The following ABCG1 variants were observed in gnomAD, a reference collection of about 807,000 sequenced individuals.
ABCG1 encodes the protein ATP binding cassette subfamily G member 1.
Under a neutral mutation model 69.2 loss-of-function variants are expected in ABCG1, and 29 were observed. That is an observed-to-expected ratio of 0.42 (90% CI 0.31 to 0.57). The LOEUF (loss-of-function observed/expected upper bound fraction) is 0.57. ABCG1 is among the 20% of genes least tolerant of loss of function. The pLI is 0.15. For missense variants in ABCG1, 718 were observed against 898.1 expected, an observed-to-expected ratio of 0.80 and a Z score of 2.56; for synonymous variants, 370 against 374.8, an observed-to-expected ratio of 0.99 and a Z score of 0.15.
At chr21:42,204,868 T>G (rs1219001377) in intron 2 of ABCG1, among the ~76,000 whole-genome samples, 1 of 152,206 alleles carries the variant, frequency 6.6e-6, no homozygotes, top group Non-Finnish European at 1.5e-5. Context: ...TACCTGGGTA[T>G]GCTAACTAAA....
intron 2 of ABCG1, among the ~76,000 whole-genome samples, chr21:42,241,271 G>A (rs150617907): frequency 0.01 from 1,597 of 152,262 alleles, 13 homozygotes; most frequent in Non-Finnish European, 0.018. Context: ...CACAACATCC[G>A]TGAGCTCATC....
intron 2 of ABCG1, among the ~76,000 whole-genome samples, chr21:42,261,196 C>G (rs538313731): frequency 3.0e-4 from 45 of 151,820 alleles, no homozygotes; most frequent in Non-Finnish European, 5.6e-4. Flanking sequence ...CCTCCTTCCC[C>G]CTCTCCACCA....
intron 1 of ABCG1, among the ~76,000 whole-genome samples, chr21:42,220,728 CTGGTTGAATCTT>C: frequency 6.6e-6 from 1 of 152,354 alleles, no homozygotes. Flanking sequence ...TTGCTTTTCT[CTGGTTGAATCTT>C]TGGGCAACAC....
chr21:42,200,785 C>T (rs1366895526), intron 1 of ABCG1, among the ~76,000 whole-genome samples: 2 of 151,990 alleles, frequency 1.3e-5, no homozygotes, highest in South Asian at 2.1e-4. Context: ...GATGGGGCTT[C>T]ACCATGTTGG....
chr21:42,244,172 A>G lies in ABCG1; in HGVS notation c.286+18258A>G, dbSNP rs576747977. Among the ~76,000 whole-genome samples the G allele has an allele frequency of 5.9e-5, 9 of 152,306 alleles. No homozygotes were observed. The East Asian group carries it at 1.5e-3, about 26-fold the overall frequency. On this transcript the variant is annotated intron_variant, in intron 2 of 14. Transcript: ENST00000398449. ...ATTGCTCTTTTCTTGCTAAAACATC[A>G]CTGTAAGTGATAAAATTATTTGCAG...
rs2068644063 is a variant in ABCG1, at chr21:42,273,064, G to A, written c.405-239G>A. ...TAGTATAAACACACCATCCCACGGA[G>A]GCCTGTGTGCAGCTTCCTCTTCCCA... On this transcript the variant is annotated intron_variant, in intron 3 of 14. Coordinates refer to ENST00000398449, the MANE Select transcript of ABCG1 (RefSeq NM_016818.3). This position sits in a 1 kb window ranked among gnomAD's most constrained non-coding sequence, Gnocchi z 5.3. Among the ~76,000 whole-genome samples the A allele has an allele frequency of 6.6e-6, 1 of 152,216 alleles. No individual in the cohort carries two copies. The highest frequency in any genetic ancestry group is 2.4e-5 in the African/African-American group (1 of 41,444).
chr21:42,233,585 G>A (rs541734429), intron 2 of ABCG1, among the ~76,000 whole-genome samples: 2 of 152,344 alleles, frequency 1.3e-5, no homozygotes, highest in Admixed American at 1.3e-4. Context: ...GTTAATCTTG[G>A]TCTTGAAATA....
intron 2 of ABCG1, among the ~76,000 whole-genome samples, chr21:42,254,492 G>C (rs191145847): frequency 1.3e-4 from 20 of 152,290 alleles, no homozygotes; most frequent in Non-Finnish European, 2.4e-4. Context: ...CGTGTGTTTT[G>C]AGATCCATTT....
chr21:42,222,399 T>A (rs1046853886), intron 1 of ABCG1, among the ~76,000 whole-genome samples: 10 of 152,242 alleles, frequency 6.6e-5, no homozygotes, highest in African/African-American at 2.4e-4. Context: ...ATTGCTTTGC[T>A]GTTGGCTTAT....
In ABCG1 at chr21:42,282,414, C is replaced by A. The variant is rs758648620; in HGVS notation, c.729C>A (p.Pro243=). ...CTCCAGTCATGTTCTTCGATGAGCCCACCAGGTAAGTCAGGAGCATCTGAG... is the reference window on the plus strand; with the variant it reads ...CTCCAGTCATGTTCTTCGATGAGCCAACCAGGTAAGTCAGGAGCATCTGAG... The part of the protein sequence containing the change: ...NNPPVMFFDE[P]TSGLDSASCF... The change falls in exon 6 of 15, where the codon CCC becomes CCA. Residue 243 remains proline, a synonymous_variant. Coordinates refer to ENST00000398449, the MANE Select transcript of ABCG1 (RefSeq NM_016818.3). 2.6e-5 allele frequency: 42 copies of A among 1,611,684 alleles called. No homozygotes were observed. The highest frequency in any genetic ancestry group is 3.6e-5 in the Non-Finnish European group (42 of 1,178,230).
intron 2 of ABCG1, among the ~76,000 whole-genome samples, chr21:42,258,587 G>A (rs1026458251): frequency 2.7e-5 from 4 of 149,124 alleles, no homozygotes; most frequent in Admixed American, 6.7e-5. Flanking sequence ...CTGTGTATCC[G>A]GTTGAATTTT....
Position 42,284,596 on chromosome 21 carries a change from G to T in ABCG1, c.771G>T (p.Ser257=). The change falls in exon 7 of 15, where the codon TCG becomes TCT. Residue 257 remains serine (S), a synonymous_variant. Coordinates refer to ENST00000398449, the MANE Select transcript of ABCG1 (RefSeq NM_016818.3). ...LDSASCFQVV[S]LMKGLAQGGR... is the part of the protein sequence containing the mutation. ...GCGCCTCCTGCTTCCAGGTGGTCTC[G>T]CTGATGAAAGGGCTCGCTCAAGGGG... 6.2e-7 allele frequency: 1 copy of T among 1,613,816 alleles called. No homozygotes were observed.
At chr21:42,225,455 C>G (rs977747351) in intron 1 of ABCG1, among the ~76,000 whole-genome samples, 1 of 152,140 alleles carries the variant, frequency 6.6e-6, no homozygotes, top group Non-Finnish European at 1.5e-5. Context: ...ATCAGTGTAA[C>G]ACTTTACCTT....
At chr21:42,261,081 A>G (rs1270243063) in intron 2 of ABCG1, among the ~76,000 whole-genome samples, 4 of 152,066 alleles carry the variant, frequency 2.6e-5, no homozygotes, top group Non-Finnish European at 5.9e-5. Context: ...TCGGCCTCCC[A>G]AAGTGCTGGG....
At chr21:42,238,098 G>C (rs1231213582) in intron 2 of ABCG1, among the ~76,000 whole-genome samples, 1 of 152,168 alleles carries the variant, frequency 6.6e-6, no homozygotes, top group African/African-American at 2.4e-5. Context: ...TGATTTTCGT[G>C]TTCCTGGTTT....
Position 42,287,121 on chromosome 21 carries a change from A to T in ABCG1, c.974-768A>T, listed in dbSNP as rs1249898372. Among the ~76,000 whole-genome samples, 1 of 152,084 alleles carries T rather than the reference A, an allele frequency of 6.6e-6. No individual in the cohort carries two copies. Among genetic ancestry groups the T allele is most frequent in the Non-Finnish European group, 1.5e-5 (1 of 68,016 alleles). ...TTAGCAAGAACGTTACTGGAGTGGGAGGCAAGGCATCGCACAGGGAGGACA... is the reference window on the plus strand; with the variant it reads ...TTAGCAAGAACGTTACTGGAGTGGGTGGCAAGGCATCGCACAGGGAGGACA... On this transcript the variant is annotated intron_variant, in intron 8 of 14. Transcript: ENST00000398449. This position sits in a 1 kb window ranked among gnomAD's most constrained non-coding sequence, Gnocchi z 6.2.
intron 2 of ABCG1, among the ~76,000 whole-genome samples, chr21:42,260,297 C>T (rs956808144): frequency 5.3e-5 from 8 of 152,156 alleles, no homozygotes; most frequent in Non-Finnish European, 2.9e-5. Flanking sequence ...CCGGCTGGGG[C>T]CAGGGCTCCT....
chr21:42,234,751 C>G (rs1051548810), intron 2 of ABCG1, among the ~76,000 whole-genome samples: 3 of 152,162 alleles, frequency 2.0e-5, no homozygotes, highest in African/African-American at 7.2e-5. Flanking sequence ...GGGTGACGTT[C>G]GCGCTCTTGC....
At chr21:42,261,083 A>G (rs2068402355) in intron 2 of ABCG1, among the ~76,000 whole-genome samples, 1 of 151,890 alleles carries the variant, frequency 6.6e-6, no homozygotes, top group Non-Finnish European at 1.5e-5. Flanking sequence ...GGCCTCCCAA[A>G]GTGCTGGGAT....
Sources: gnomAD v4.1 joint callset for allele counts (sites outside exome capture counted in the v4.1 genomes callset) on GRCh38, gnomAD v4.1.1 for gene constraint, Gnocchi (gnomAD v3.1) non-coding constraint, MANE v1.5 for transcripts, NCBI Gene and HGNC (gene_info 2026-07-23, HGNC 2026-07-21) for gene names.